PTPRD: variants seen among roughly 807,000 people sequenced by gnomAD.
PTPRD encodes the protein receptor-type tyrosine-protein phosphatase delta.
Under a neutral mutation model 214.5 loss-of-function variants are expected in PTPRD, and 34 were observed. That is an observed-to-expected ratio of 0.16 (90% confidence interval 0.12 to 0.21). PTPRD has a LOEUF of 0.21. PTPRD is among the 10% of genes least tolerant of loss of function. PTPRD has a pLI of 1.00. For missense variants in PTPRD, 2,545 were observed against 2,398.7 expected, an observed-to-expected ratio of 1.06 and a Z score of -1.27; for synonymous variants, 1,128 against 845.7, an observed-to-expected ratio of 1.33 and a Z score of -5.79.
At chr9:10,165,969 G>A (rs2099156493) in intron 3 of PTPRD, among the ~76,000 whole-genome samples, 1 of 149,834 alleles carries the variant, frequency 6.7e-6, no homozygotes, top group Non-Finnish European at 1.5e-5. Flanking sequence ...TATGTATTAT[G>A]TAAACATATA....
intron 3 of PTPRD, among the ~76,000 whole-genome samples, chr9:10,219,022 C>T (rs948830090): frequency 6.6e-6 from 1 of 151,574 alleles, no homozygotes; most frequent in Non-Finnish European, 1.5e-5. Flanking sequence ...AAAAACAAAC[C>T]GAGGCACCAC....
chr9:8,715,579 T>C (rs2098423169), intron 12 of PTPRD, among the ~76,000 whole-genome samples: 1 of 152,168 alleles, frequency 6.6e-6, no homozygotes, highest in Non-Finnish European at 1.5e-5. Flanking sequence ...TAAAAACCAA[T>C]GCTCTTCCCA....
At chr9:8,582,814 A>G (rs73423204) in intron 14 of PTPRD, among the ~76,000 whole-genome samples, 4,599 of 152,288 alleles carry the variant, frequency 0.03, 165 homozygotes, top group East Asian at 0.086. Flanking sequence ...CACTGGAGAC[A>G]AATGGTGATA....
chr9:10,392,980 G>A (rs942682271), intron 2 of PTPRD, among the ~76,000 whole-genome samples: 1 of 151,752 alleles, frequency 6.6e-6, no homozygotes, highest in Non-Finnish European at 1.5e-5. Flanking sequence ...GCAGAGCAGA[G>A]CAGTCTAGGA....
Position 9,985,720 on chromosome 9 carries a change from T to C in PTPRD, c.-471-47110A>G, listed in dbSNP as rs140537316. On this transcript the variant is annotated intron_variant, in intron 4 of 45. Transcript: ENST00000381196. ...GTCCACATGGCATAAATATAAGTGA[T>C]ATTAGAAAAATTGATAAGATATTAT... Among the ~76,000 whole-genome samples the C allele has an allele frequency of 1.4e-4, 21 of 152,092 alleles. No homozygotes were observed. In the East Asian group the frequency reaches 3.5e-3, roughly 25 times the overall value.
At chr9:10,235,239 T>A (rs552469010) in intron 3 of PTPRD, among the ~76,000 whole-genome samples, 1 of 152,120 alleles carries the variant, frequency 6.6e-6, no homozygotes, top group African/African-American at 2.4e-5. Context: ...CGGATTACAT[T>A]TTTAAGAAGT....
rs550405508 is a variant in PTPRD at position 10,050,720 on chromosome 9, C to A, written c.-544-16930G>T. Among the ~76,000 whole-genome samples the A allele has an allele frequency of 1.1e-3, 172 of 151,658 alleles. 2 individuals are homozygous for A. The highest frequency in any genetic ancestry group is 2.1e-3 in the Admixed American group (32 of 15,228). ...ATTATCTAATAAACCAACAATAAGA[C>A]AAATATCCATGGAACTCTCCCAAAT... On this transcript the variant is annotated intron_variant, in intron 3 of 45. Coordinates refer to ENST00000381196, the MANE Select transcript of PTPRD (RefSeq NM_002839.4).
intron 7 of PTPRD, among the ~76,000 whole-genome samples, chr9:9,664,556 A>T (rs2096679710): frequency 6.6e-6 from 1 of 151,666 alleles, no homozygotes; most frequent in Non-Finnish European, 1.5e-5. Flanking sequence ...GGAAACCTCT[A>T]AGGTCTGTCA....
At chr9:10,486,258 C>A (rs748093889) in intron 2 of PTPRD, among the ~76,000 whole-genome samples, 2 of 152,052 alleles carry the variant, frequency 1.3e-5, no homozygotes, top group African/African-American at 2.4e-5. Context: ...TCTTTGCCCA[C>A]GCCTATGTCC....
intron 2 of PTPRD, among the ~76,000 whole-genome samples, chr9:10,410,578 T>G (rs773631056): frequency 1.3e-5 from 2 of 151,638 alleles, no homozygotes; most frequent in African/African-American, 2.4e-5. Context: ...AGACCATTTC[T>G]TATGTATTCA....
chr9:8,934,393 A>ATGTGTGTGTGTG (rs756848411), intron 11 of PTPRD, among the ~76,000 whole-genome samples: 1 of 48,214 alleles, frequency 2.1e-5, no homozygotes, highest in African/African-American at 8.0e-5. Context: ...AATACTAATT[A>ATGTGTGTGTGTG]TGTGTGTGTG....
Position 10,525,572 on chromosome 9 carries a change from C to A in PTPRD, c.-600+86826G>T, listed in dbSNP as rs1383240279. 2.0e-5 allele frequency among the ~76,000 whole-genome samples: 3 copies of A among 152,056 alleles called. No homozygotes were observed. In the East Asian group the frequency reaches 5.8e-4, roughly 29 times the overall value. ...GATGTTATTTGCTTCTTGCTTTAGG[C>A]AAGCTCTTTATTGTCTTACTTCAGA... is the stretch of plus-strand genomic sequence containing the variant. On this transcript the variant is annotated intron_variant, in intron 2 of 45. Coordinates refer to ENST00000381196, the MANE Select transcript of PTPRD (RefSeq NM_002839.4).
intron 2 of PTPRD, among the ~76,000 whole-genome samples, chr9:10,530,387 AC>A (rs1320791508): frequency 3.3e-5 from 5 of 152,260 alleles, no homozygotes; most frequent in South Asian, 2.1e-4. Flanking sequence ...AAAAGTTTAA[AC>A]CCCATGCAAA....
At chr9:10,516,197 G>T (rs1043892634) in intron 2 of PTPRD, among the ~76,000 whole-genome samples, 11 of 151,532 alleles carry the variant, frequency 7.3e-5, no homozygotes, top group Admixed American at 5.9e-4. Flanking sequence ...TACTAACAGC[G>T]TTCAAGGGTT....
chr9:9,674,063 G>A (rs2096882941), intron 7 of PTPRD, among the ~76,000 whole-genome samples: 2 of 151,780 alleles, frequency 1.3e-5, no homozygotes. Context: ...ATACAAGAAA[G>A]ATAGTCTGAA....
chr9:10,268,228 T>C (rs1333960686), intron 3 of PTPRD, among the ~76,000 whole-genome samples: 1 of 150,258 alleles, frequency 6.7e-6, no homozygotes, highest in Non-Finnish European at 1.5e-5. Flanking sequence ...AGTTGCAGGC[T>C]GCAGTAAGCT....
chr9:8,623,639 C>G (rs2095891842), intron 14 of PTPRD, among the ~76,000 whole-genome samples: 1 of 151,890 alleles, frequency 6.6e-6, no homozygotes, highest in Non-Finnish European at 1.5e-5. Context: ...TCCTGAGTGC[C>G]TAGAACTTTG....
In PTPRD at chr9:9,115,278, C is replaced by T. The variant is rs189158133; in HGVS notation, c.-143+68026G>A. Among the ~76,000 whole-genome samples the T allele has an allele frequency of 5.9e-5, 9 of 152,098 alleles. No individual in the cohort carries two copies. In the East Asian group the frequency reaches 1.6e-3, roughly 26 times the overall value. On this transcript the variant is annotated intron_variant, in intron 10 of 45. Transcript: ENST00000381196. ...TTTCATTTGGGATGCTTTTTACTTACGTTTTGAAAATAATCTTACATAGAG... is the reference window on the plus strand; with the variant it reads ...TTTCATTTGGGATGCTTTTTACTTATGTTTTGAAAATAATCTTACATAGAG...
chr9:8,763,270 G>C (rs954457918), intron 11 of PTPRD, among the ~76,000 whole-genome samples: 4 of 152,120 alleles, frequency 2.6e-5, no homozygotes, highest in Non-Finnish European at 4.4e-5. Flanking sequence ...CCAGCACTTT[G>C]GGAGGCCGAG....
Sources: allele counts gnomAD v4.1 joint callset (sites outside exome capture counted in the v4.1 genomes callset), GRCh38; gene constraint gnomAD v4.1.1; transcripts MANE v1.5; gene names NCBI Gene and HGNC (gene_info 2026-07-23, HGNC 2026-07-21).